The following GREB1 variants were observed in gnomAD, a reference collection of about 807,000 sequenced individuals.
GREB1 encodes the protein growth regulating estrogen receptor binding 1.
A neutral mutation model predicts 200.7 loss-of-function variants in GREB1; 106 were observed. The ratio of observed to expected loss-of-function variants is 0.53; its 90% CI spans 0.45 to 0.62. The LOEUF is 0.62. Ranked by LOEUF, GREB1 falls within the 20% of genes least tolerant of loss-of-function variation. The probability of loss-of-function intolerance (pLI) is 0.00; values close to 1 mark genes in which losing one functional copy is unlikely to be tolerated. For missense variants in GREB1, 2,243 were observed against 2,556.8 expected (o/e 0.88, Z 2.65); for synonymous variants, 1,132 against 1,092.4 (o/e 1.04, Z -0.72).
In GREB1 at chr2:11,618,729, C is replaced by T. The variant is rs1399672352; in HGVS notation, c.3854C>T (p.Pro1285Leu). The T allele has an allele frequency of 2.5e-6, 4 of 1,613,432 alleles. No individual in the cohort carries two copies. The highest frequency in any genetic ancestry group is 3.4e-6 in the Non-Finnish European group (4 of 1,179,818). Reference protein sequence around the residue: ...SGLPKAASLLPSPSVMWASSF... With the variant: ...SGLPKAASLLLSPSVMWASSF... Reference sequence around the variant, plus strand: ...CTGCCCAAGGCCGCCTCCCTCCTGCCCTCCCCCTCGGTCATGTGGGCCAGC... The same window carrying T: ...CTGCCCAAGGCCGCCTCCCTCCTGCTCTCCCCCTCGGTCATGTGGGCCAGC... The change falls in exon 22 of 33, where the codon CCC becomes CTC. Residue 1285 changes from proline to leucine, a missense_variant. This residue lies in a region of GREB1 where 587 missense variants were observed against 553.1 expected (regional missense o/e 1.06). Coordinates refer to ENST00000381486, the MANE Select transcript of GREB1 (RefSeq NM_014668.4).
intron 1 of GREB1, among the ~76,000 whole-genome samples, chr2:11,544,408 G>T (rs1675057504): frequency 6.6e-6 from 1 of 152,082 alleles, no homozygotes; most frequent in Non-Finnish European, 1.5e-5. Context: ...TGTAGAGGCA[G>T]GGTTTCACCG....
chr2:11,587,800 G>T, intron 9 of GREB1: 1 of 1,082,138 alleles, frequency 9.2e-7, no homozygotes, highest in Non-Finnish European at 1.1e-6. Flanking sequence ...CGCTTCACCT[G>T]GTTTTACAAA....
chr2:11,574,317 A>G (rs1227894130), intron 4 of GREB1, among the ~76,000 whole-genome samples: 1 of 152,190 alleles, frequency 6.6e-6, no homozygotes, highest in East Asian at 1.9e-4. Flanking sequence ...CACAAATTTC[A>G]ATCACTGGGA....
At chr2:11,594,400 G>A (rs1388672277) in intron 11 of GREB1, among the ~76,000 whole-genome samples, 1 of 151,754 alleles carries the variant, frequency 6.6e-6, no homozygotes, top group Non-Finnish European at 1.5e-5. Flanking sequence ...TGTTGCCCAG[G>A]CTGGAATGCA....
chr2:11,546,551 T>C (rs902948196), intron 1 of GREB1, among the ~76,000 whole-genome samples: 1 of 152,234 alleles, frequency 6.6e-6, no homozygotes. Flanking sequence ...AGCTATAAAC[T>C]GAAGTTTTGG....
At chr2:11,482,929 CG>C (rs1672540872) in intron 1 of GREB1, among the ~76,000 whole-genome samples, 1 of 151,142 alleles carries the variant, frequency 6.6e-6, no homozygotes, top group African/African-American at 2.4e-5. Flanking sequence ...CGCTCAGGAG[CG>C]GGGCCGCGGC....
chr2:11,622,986 C>A (rs1427783088), intron 23 of GREB1, among the ~76,000 whole-genome samples: 6 of 152,228 alleles, frequency 3.9e-5, no homozygotes, highest in Admixed American at 3.9e-4. Flanking sequence ...AAGAGCCTTG[C>A]AGATACAATG....
In GREB1 at chr2:11,637,696, A is replaced by G. The variant is rs114999009; in HGVS notation, c.5347-20A>G. On this transcript the variant is annotated intron_variant, in intron 30 of 32. Coordinates refer to ENST00000381486, the MANE Select transcript of GREB1 (RefSeq NM_014668.4). ...CGCCCCTCAGGGCAGTAGTGGCCTG[A>G]CACCCCCCTTCCCGTGCAGGTGTCT... The G allele has an allele frequency of 3.5e-4, 566 of 1,610,560 alleles. No homozygotes were observed. Among genetic ancestry groups the G allele is most frequent in the Non-Finnish European group, 4.7e-4 (549 of 1,179,086 alleles).
chr2:11,627,295 C>G (rs1404807329), intron 25 of GREB1, among the ~76,000 whole-genome samples, 191 bp downstream of exon 25: 1 of 152,174 alleles, frequency 6.6e-6, no homozygotes, highest in African/African-American at 2.4e-5. Flanking sequence ...CCACGGTTCT[C>G]CTGGGGTTGT....
At chr2:11,520,692 C>T (rs185875749) in intron 1 of GREB1, among the ~76,000 whole-genome samples, 72 of 149,368 alleles carry the variant, frequency 4.8e-4, no homozygotes, top group African/African-American at 1.7e-3. Context: ...TAAAGACTCA[C>T]GTGATTAGAT....
At chr2:11,628,380 C>A (rs1184265261) in intron 25 of GREB1, among the ~76,000 whole-genome samples, 1 of 152,174 alleles carries the variant, frequency 6.6e-6, no homozygotes, top group East Asian at 1.9e-4. Flanking sequence ...ATGTCCTGGG[C>A]TGCTTTCAGA....
rs1223657598 is a variant in GREB1 at position 11,635,421 on chromosome 2, C to G, written c.5346+16C>G. 6.3e-7 allele frequency: 1 copy of G among 1,591,188 alleles called. No homozygotes were observed. The highest frequency in any genetic ancestry group is 8.6e-7 in the Non-Finnish European group (1 of 1,168,498). Reference sequence around the variant, plus strand: ...CACATCCAAGGTGAGCTCCTCGCTGCTGGGCAGGCCTCTATGTCCACCGCC... The same window carrying G: ...CACATCCAAGGTGAGCTCCTCGCTGGTGGGCAGGCCTCTATGTCCACCGCC... On this transcript the variant is annotated intron_variant, in intron 30 of 32. Transcript: ENST00000381486.
rs1672796195 is a variant in GREB1, at chr2:11,492,585, C to G, written c.-159+10204C>G. On this transcript the variant is annotated intron_variant, in intron 1 of 2. Coordinates refer to the GREB1 transcript ENST00000628795. The surrounding 1 kb of genome is among the most constrained non-coding windows in gnomAD (Gnocchi z 4.0). ...ACCTGGGTCCCCCCTGAGCTGAGTT[C>G]CCACTCACTGGGGCCTGTGAGTGCA... is the stretch of plus-strand genomic sequence containing the variant. 6.6e-6 allele frequency among the ~76,000 whole-genome samples: 1 copy of G among 152,146 alleles called. No individual in the cohort carries two copies. The highest frequency in any genetic ancestry group is 2.4e-5 in the African/African-American group (1 of 41,424).
intron 1 of GREB1, among the ~76,000 whole-genome samples, chr2:11,539,502 C>G (rs1171819970): frequency 6.6e-6 from 1 of 152,222 alleles, no homozygotes; most frequent in Non-Finnish European, 1.5e-5. Flanking sequence ...CCTTCGGAGG[C>G]AAGCCAGGCT....
At chr2:11,586,030 T>C in intron 9 of GREB1, 125 bp downstream of exon 9, 2 of 970,054 alleles carry the variant, frequency 2.1e-6, no homozygotes, top group Non-Finnish European at 3.1e-6. Flanking sequence ...AAACCTAAAA[T>C]GCTTTCCAGG....
rs578205116 is a variant in GREB1 at position 11,633,964 on chromosome 2, C to T, written c.4992-167C>T. Among the ~76,000 whole-genome samples, 10 of 152,218 alleles carry T rather than the reference C, an allele frequency of 6.6e-5. No homozygotes were observed. The highest frequency in any genetic ancestry group is 1.9e-4 in the East Asian group (1 of 5,200). ...TCAGCACATAGCAGAAATGAGCGCC[C>T]GTGGGAAGCGCCCAGCAGGGTGCCT... On this transcript the variant is annotated intron_variant, in intron 28 of 32. Transcript: ENST00000381486. The surrounding 1 kb of genome is among the most constrained non-coding windows in gnomAD (Gnocchi z 4.1).
intron 1 of GREB1, among the ~76,000 whole-genome samples, chr2:11,506,671 A>T (rs1443870068): frequency 1.3e-5 from 2 of 152,196 alleles, no homozygotes; most frequent in Non-Finnish European, 2.9e-5. Context: ...AAAGTTCATT[A>T]TGCTAAAATG....
chr2:11,589,164 C>T (rs909527264), intron 10 of GREB1, among the ~76,000 whole-genome samples: 1 of 152,202 alleles, frequency 6.6e-6, no homozygotes, highest in African/African-American at 2.4e-5. Context: ...ATCTGCCATT[C>T]TAGGCACAGG....
chr2:11,483,685 GGGGTGTGTGTGTGTGTGT>G (rs1391448514), intron 1 of GREB1, among the ~76,000 whole-genome samples: 1,197 of 102,144 alleles, frequency 0.012, 18 homozygotes, highest in African/African-American at 0.046. Context: ...AGTACAAGAA[GGGGTGTGTGTGTGTGTGT>G]GTGTGTGTGT....
Sources: allele counts gnomAD v4.1 joint callset (sites outside exome capture counted in the v4.1 genomes callset), GRCh38; gene constraint gnomAD v4.1.1; regional missense constraint gnomAD v4.1.1; non-coding constraint Gnocchi (gnomAD v3.1); transcripts MANE v1.5; gene names NCBI Gene and HGNC (gene_info 2026-07-23, HGNC 2026-07-21).